The following GPA33 variants were observed in gnomAD, a reference collection of about 807,000 sequenced individuals.
The protein encoded by GPA33 is cell surface A33 antigen.
In GPA33, 27 loss-of-function variants were observed where a neutral mutation model predicts 35.6. The ratio of observed to expected loss-of-function variants is 0.76; its 90% CI spans 0.56 to 1.04. The LOEUF is 1.04. GPA33 is among the 50% of genes least tolerant of loss of function. The pLI, the probability that GPA33 is intolerant of heterozygous loss-of-function variation, is 0.00. For synonymous variants in GPA33, 176 were observed against 164.0 expected (o/e 1.07, Z -0.56); for missense variants, 428 against 411.9 (o/e 1.04, Z -0.34).
intron 1 of GPA33, among the ~76,000 whole-genome samples, chr1:167,087,959 A>G (rs571984767): frequency 2.9e-5 from 4 of 138,928 alleles, no homozygotes; most frequent in Admixed American, 1.4e-4. Context: ...AGTCGGTTTT[A>G]TGATTGCTTT....
At chr1:167,066,563 C>G (rs1282568408) in intron 3 of GPA33, among the ~76,000 whole-genome samples, 2 of 152,152 alleles carry the variant, frequency 1.3e-5, no homozygotes, top group Non-Finnish European at 2.9e-5. Flanking sequence ...AGCCTTCCAC[C>G]GTCAAAAACA....
chr1:167,088,027 T>C (rs1459063186), intron 1 of GPA33, among the ~76,000 whole-genome samples: 1 of 152,198 alleles, frequency 6.6e-6, no homozygotes, highest in African/African-American at 2.4e-5. Context: ...TGGAACCTTA[T>C]GAATAGCTTC....
intron 2 of GPA33, among the ~76,000 whole-genome samples, chr1:167,069,745 T>G (rs1245983899): frequency 6.6e-6 from 1 of 152,250 alleles, no homozygotes; most frequent in Non-Finnish European, 1.5e-5. Context: ...CCACCAGTGA[T>G]TCTGTTAACT....
rs148656399 is a variant in GPA33 at position 167,060,285 on chromosome 1, T to A, written c.571+3297A>T. ...ACAGGGTTTCACCATGTTGCCCAGGTGGGTCTCGAACTCCTGTACTCAAGC... is the reference window on the plus strand; with the variant it reads ...ACAGGGTTTCACCATGTTGCCCAGGAGGGTCTCGAACTCCTGTACTCAAGC... On this transcript the variant is annotated intron_variant, in intron 4 of 6. Transcript: ENST00000367868. Among the ~76,000 whole-genome samples the A allele has an allele frequency of 4.3e-3, 660 of 152,140 alleles. 4 individuals carry two copies. The highest frequency in any genetic ancestry group is 0.015 in the African/African-American group (641 of 41,514).
Position 167,068,977 on chromosome 1 carries a change from C to A in GPA33, c.360G>T (p.Ser120=). 1 of 1,613,876 alleles carries A rather than the reference C, an allele frequency of 6.2e-7. No homozygotes were observed. The highest frequency in any genetic ancestry group is 8.5e-7 in the Non-Finnish European group (1 of 1,180,042). The part of the protein sequence containing the change: ...ADNGTYECSV[S]LMSDLEGNTK... ...TGTTGCCCTCCAGGTCTGACATCAG[C>A]GAGACAGAACACTCGTAGGTGCCGT... Residue 120 remains serine, a synonymous_variant, in exon 3 of 7, where the codon TCG becomes TCT. Coordinates refer to ENST00000367868, the MANE Select transcript of GPA33 (RefSeq NM_005814.3).
Position 167,063,613 on chromosome 1 carries a change from G to A in GPA33, c.540C>T (p.Ile180=). The A allele has an allele frequency of 6.2e-7, 1 of 1,611,698 alleles. No individual in the cohort carries two copies. Among genetic ancestry groups the A allele is most frequent in the Non-Finnish European group, 8.5e-7 (1 of 1,178,616 alleles). The change falls in exon 4 of 7, where the codon ATC becomes ATT. Residue 180 remains isoleucine (I), a synonymous_variant. Coordinates refer to ENST00000367868, the MANE Select transcript of GPA33 (RefSeq NM_005814.3). The part of the protein sequence containing the change: ...TPQYSWKRYN[I]LNQEQPLAQP... ...GGGCCAGGGGCTGCTCCTGATTCAG[G>A]ATGTTGTACCTCTTCCAGCTGTACT...
At chr1:167,070,541 G>A (rs1666698106) in intron 2 of GPA33, among the ~76,000 whole-genome samples, 1 of 152,210 alleles carries the variant, frequency 6.6e-6, no homozygotes, top group African/African-American at 2.4e-5. Flanking sequence ...TCCAGAGCCT[G>A]AAGTCCGGAG....
intron 1 of GPA33, among the ~76,000 whole-genome samples, chr1:167,075,713 G>A (rs1485939167): frequency 6.6e-6 from 1 of 152,192 alleles, no homozygotes; most frequent in South Asian, 2.1e-4. Flanking sequence ...GTCAGAGGAT[G>A]TTGAGGATCA....
intron 4 of GPA33, among the ~76,000 whole-genome samples, chr1:167,056,627 T>TTCTGGG (rs1407130603): frequency 6.4e-3 from 1 of 156 alleles, no homozygotes; most frequent in East Asian, 0.083. Context: ...GTGGTGAGTG[T>TTCTGGG]GTGATGTGTG....
intron 4 of GPA33, among the ~76,000 whole-genome samples, chr1:167,056,804 G>GTGTA (rs1558002143): frequency 2.7e-5 from 4 of 149,266 alleles, no homozygotes; most frequent in Admixed American, 1.3e-4. Context: ...CGTGTGGTGT[G>GTGTA]GTGTGTATGT....
intron 4 of GPA33, among the ~76,000 whole-genome samples, chr1:167,062,301 G>A (rs1443809854): frequency 6.6e-6 from 1 of 151,526 alleles, no homozygotes; most frequent in Non-Finnish European, 1.5e-5. Flanking sequence ...CTGCAGCCTC[G>A]ACCTCCAGAG....
At chr1:167,082,448 G>A (rs778954424) in intron 1 of GPA33, 2 of 386,964 alleles carry the variant, frequency 5.2e-6, no homozygotes, top group Non-Finnish European at 1.0e-5. Flanking sequence ...GAGGGGCACA[G>A]AGGATCCTGA....
intron 2 of GPA33, among the ~76,000 whole-genome samples, chr1:167,069,348 A>C (rs1666670867): frequency 6.6e-6 from 1 of 152,170 alleles, no homozygotes; most frequent in African/African-American, 2.4e-5. Context: ...TAAAATGAAA[A>C]TATTGAAAGA....
At chr1:167,088,789 T>G (rs756657520) in intron 1 of GPA33, among the ~76,000 whole-genome samples, 4 of 152,026 alleles carry the variant, frequency 2.6e-5, no homozygotes, top group Non-Finnish European at 5.9e-5. Context: ...TGTTGGGGGT[T>G]GGGGTGGTGC....
intron 2 of GPA33, among the ~76,000 whole-genome samples, chr1:167,069,699 G>C (rs1041237): frequency 0.28 from 41,964 of 152,132 alleles, 6,539 homozygotes; most frequent in East Asian, 0.78. Flanking sequence ...TCCCCATTCT[G>C]CCATGTACTA....
At chr1:167,069,213 C>A (rs985179603) in intron 2 of GPA33, 75 bp from the exon 3 acceptor site, 14 of 953,194 alleles carry the variant, frequency 1.5e-5, no homozygotes, top group Non-Finnish European at 2.1e-5. Flanking sequence ...CCCTGACTAC[C>A]CTCATCCCCC....
chr1:167,073,129 G>C (rs191794698), intron 2 of GPA33, among the ~76,000 whole-genome samples: 1 of 152,082 alleles, frequency 6.6e-6, no homozygotes, highest in Non-Finnish European at 1.5e-5. Flanking sequence ...TGACTGACTC[G>C]CATGATACAA....
At chr1:167,088,217 T>C (rs972358459) in intron 1 of GPA33, among the ~76,000 whole-genome samples, 5 of 152,282 alleles carry the variant, frequency 3.3e-5, no homozygotes, top group Admixed American at 1.3e-4. Context: ...CCTTTCCTAA[T>C]GTCCCTGCTC....
chr1:167,071,832 C>G (rs1001304581), intron 2 of GPA33, among the ~76,000 whole-genome samples: 1 of 152,174 alleles, frequency 6.6e-6, no homozygotes, highest in South Asian at 2.1e-4. Flanking sequence ...ATTTAAATCC[C>G]TTTCTCTATA....
Sources: gnomAD v4.1 joint callset for allele counts (sites outside exome capture counted in the v4.1 genomes callset) on GRCh38, gnomAD v4.1.1 for gene constraint, MANE v1.5 for transcripts, NCBI Gene and HGNC (gene_info 2026-07-23, HGNC 2026-07-21) for gene names.